ANKS1B: variants seen among roughly 807,000 people sequenced by gnomAD.
The protein encoded by ANKS1B is ankyrin repeat and sterile alpha motif domain containing 1B, also known as ankyrin repeat and sterile alpha motif domain-containing protein 1B.
Under a neutral mutation model 148.3 loss-of-function variants are expected in ANKS1B, and 36 were observed. That is an observed-to-expected ratio of 0.24 (90% CI 0.19 to 0.32). The LOEUF (loss-of-function observed/expected upper bound fraction) is 0.32. Ranked by LOEUF, ANKS1B falls within the 10% of genes least tolerant of loss-of-function variation. The probability of loss-of-function intolerance (pLI) is 1.00; values close to 1 mark genes in which losing one functional copy is unlikely to be tolerated. For missense variants in ANKS1B, 1,157 were observed against 1,542.6 expected, an observed-to-expected ratio of 0.75 and a Z score of 4.19; for synonymous variants, 542 against 560.8, an observed-to-expected ratio of 0.97 and a Z score of 0.47.
chr12:99,480,013 A>C (rs1322058620), intron 10 of ANKS1B, among the ~76,000 whole-genome samples: 1 of 151,860 alleles, frequency 6.6e-6, no homozygotes, highest in Non-Finnish European at 1.5e-5. Flanking sequence ...AAATATATAC[A>C]CCTATTATTT....
At chr12:99,100,776 C>T (rs886315613) in intron 15 of ANKS1B, among the ~76,000 whole-genome samples, 2 of 152,196 alleles carry the variant, frequency 1.3e-5, no homozygotes, top group African/African-American at 2.4e-5. Flanking sequence ...ATGATCCACC[C>T]GCCTCAGACT....
At chr12:99,878,947 T>C (rs1267030175) in intron 1 of ANKS1B, among the ~76,000 whole-genome samples, 1 of 152,174 alleles carries the variant, frequency 6.6e-6, no homozygotes, top group Non-Finnish European at 1.5e-5. Context: ...TATTTTGTTA[T>C]TGTTATTGTT....
chr12:98,953,806 C>T (rs2099858000), intron 17 of ANKS1B, among the ~76,000 whole-genome samples: 1 of 151,640 alleles, frequency 6.6e-6, no homozygotes, highest in South Asian at 2.1e-4. Context: ...ATTTTTTTTC[C>T]AATTCTTCTG....
intron 17 of ANKS1B, among the ~76,000 whole-genome samples, chr12:98,967,443 G>C (rs571294447): frequency 1.4e-4 from 22 of 151,910 alleles, no homozygotes; most frequent in African/African-American, 5.3e-4. Flanking sequence ...GTATCTTCCT[G>C]GGAAGGCCTT....
chr12:99,111,927 T>C (rs2060370022), intron 15 of ANKS1B, among the ~76,000 whole-genome samples: 1 of 152,186 alleles, frequency 6.6e-6, no homozygotes, highest in African/African-American at 2.4e-5. Flanking sequence ...TATATTACCA[T>C]TTGATTGATT....
At chr12:99,753,790 G>A (rs2061328285) in intron 8 of ANKS1B, among the ~76,000 whole-genome samples, 1 of 152,086 alleles carries the variant, frequency 6.6e-6, no homozygotes, top group Non-Finnish European at 1.5e-5. Context: ...GGGAGGCCAA[G>A]GTGGGTGGAT....
At chr12:99,263,325 T>C (rs1212716423) in intron 12 of ANKS1B, among the ~76,000 whole-genome samples, 1 of 152,160 alleles carries the variant, frequency 6.6e-6, no homozygotes, top group African/African-American at 2.4e-5. Context: ...TAGTCTGGGT[T>C]GTAAAGTGCT....
At chr12:99,518,371 T>A (rs1320036877) in intron 9 of ANKS1B, among the ~76,000 whole-genome samples, 1 of 152,164 alleles carries the variant, frequency 6.6e-6, no homozygotes, top group African/African-American at 2.4e-5. Flanking sequence ...GACTTTTTAT[T>A]ACACCTTCAA....
intron 12 of ANKS1B, among the ~76,000 whole-genome samples, chr12:99,349,955 T>A (rs567911225): frequency 7.2e-5 from 11 of 152,184 alleles, no homozygotes; most frequent in African/African-American, 2.6e-4. Context: ...TTTTATGTTA[T>A]GTATATTTTA....
chr12:99,169,681 T>C (rs368371026), intron 14 of ANKS1B, among the ~76,000 whole-genome samples: 219 of 152,370 alleles, frequency 1.4e-3, no homozygotes, highest in Non-Finnish European at 2.6e-3. Flanking sequence ...ATTTATTTAC[T>C]GGGAGTCAGC....
At chr12:99,829,108 T>C (rs1565812425) in intron 1 of ANKS1B, among the ~76,000 whole-genome samples, 1 of 152,040 alleles carries the variant, frequency 6.6e-6, no homozygotes, top group African/African-American at 2.4e-5. Flanking sequence ...AGTTCCAATA[T>C]TGAAAAATAG....
intron 25 of ANKS1B, among the ~76,000 whole-genome samples, chr12:98,763,456 G>C (rs1273384297): frequency 6.6e-6 from 1 of 152,192 alleles, no homozygotes; most frequent in Non-Finnish European, 1.5e-5. Flanking sequence ...TGGCCAAAAT[G>C]CAGGTAGCTT....
intron 9 of ANKS1B, among the ~76,000 whole-genome samples, chr12:99,599,181 G>C (rs921915119): frequency 1.3e-5 from 2 of 151,896 alleles, no homozygotes; most frequent in African/African-American, 4.8e-5. Flanking sequence ...TATCTGCAAA[G>C]ACCCTTTTTC....
intron 9 of ANKS1B, among the ~76,000 whole-genome samples, chr12:99,557,266 C>T (rs180816688): frequency 1.6e-3 from 240 of 152,258 alleles, no homozygotes; most frequent in South Asian, 1.0e-2. Flanking sequence ...AATATATTTT[C>T]CAGGTTTCTT....
intron 17 of ANKS1B, among the ~76,000 whole-genome samples, chr12:99,019,858 A>G (rs1032067120): frequency 2.0e-5 from 3 of 152,194 alleles, no homozygotes; most frequent in African/African-American, 7.2e-5. Flanking sequence ...ATTATTTAAA[A>G]GTGTTGAACT....
chr12:99,670,582 T>G (rs2098533037), intron 8 of ANKS1B, among the ~76,000 whole-genome samples: 1 of 152,144 alleles, frequency 6.6e-6, no homozygotes, highest in African/African-American at 2.4e-5. Flanking sequence ...AATATAAGTA[T>G]GTCATAAACT....
chr12:98,859,164 G>A (rs1356346531), intron 17 of ANKS1B, among the ~76,000 whole-genome samples: 3 of 152,156 alleles, frequency 2.0e-5, no homozygotes, highest in Non-Finnish European at 4.4e-5. Flanking sequence ...TGGATATAAC[G>A]CCAGGATTTC....
intron 14 of ANKS1B, among the ~76,000 whole-genome samples, chr12:99,174,621 A>C (rs1046182283): frequency 2.0e-5 from 3 of 152,080 alleles, no homozygotes; most frequent in African/African-American, 7.2e-5. Context: ...GTCTTACTTG[A>C]ACCATTTGGA....
At chr12:99,129,128 A>C (rs1274738957) in intron 15 of ANKS1B, among the ~76,000 whole-genome samples, 1 of 152,220 alleles carries the variant, frequency 6.6e-6, no homozygotes, top group South Asian at 2.1e-4. Context: ...TCCAAGTAGC[A>C]TTCAGCAATG....
Sources: gnomAD v4.1 joint callset for allele counts (sites outside exome capture counted in the v4.1 genomes callset) on GRCh38, gnomAD v4.1.1 for gene constraint, MANE v1.5 for transcripts, NCBI Gene and HGNC (gene_info 2026-07-23, HGNC 2026-07-21) for gene names.